The following LINGO2 variants were observed in gnomAD, a reference collection of about 807,000 sequenced individuals.
The protein encoded by LINGO2 is leucine-rich repeat and immunoglobulin-like domain-containing nogo receptor-interacting protein 2.
LINGO2 carries 14 observed loss-of-function variants against 30.6 expected under a neutral mutation model. That is an observed-to-expected ratio of 0.46 (90% CI 0.30 to 0.72). The LOEUF is 0.72. Among genes scored for constraint, LINGO2 ranks in the 30% least tolerant of loss-of-function variants. The pLI is 0.07. For synonymous variants in LINGO2, 317 were observed against 288.5 expected (o/e 1.10, Z -1.00); for missense variants, 729 against 751.7 (o/e 0.97, Z 0.35).
chr9:28,877,068 C>T, the LINGO2 span, among the ~76,000 whole-genome samples: 2 of 150,514 alleles, frequency 1.3e-5, no homozygotes, highest in Admixed American at 1.3e-4. Context: ...AGTGTCTGTT[C>T]ATGTCCTTCA....
chr9:28,395,942 G>A (rs773285915), intron 2 of LINGO2, among the ~76,000 whole-genome samples: 4 of 151,980 alleles, frequency 2.6e-5, no homozygotes, highest in Non-Finnish European at 4.4e-5. Context: ...TTGGCCCTTT[G>A]GTCTTCAATA....
chr9:28,058,873 C>T (rs1327475820), intron 4 of LINGO2, among the ~76,000 whole-genome samples: 1 of 152,078 alleles, frequency 6.6e-6, no homozygotes, highest in Non-Finnish European at 1.5e-5. Flanking sequence ...ACTGTTAAAA[C>T]TTTGCATTTT....
At chr9:29,131,484 G>A in the LINGO2 span, among the ~76,000 whole-genome samples, 2 of 151,860 alleles carry the variant, frequency 1.3e-5, no homozygotes, top group Non-Finnish European at 2.9e-5. Flanking sequence ...CCCAATCCCC[G>A]CTCTATTTTG....
intron 5 of LINGO2, among the ~76,000 whole-genome samples, chr9:27,976,286 G>A (rs1057253162): frequency 1.3e-5 from 2 of 151,724 alleles, no homozygotes; most frequent in African/African-American, 4.8e-5. Flanking sequence ...CTCGATAAAT[G>A]TTGCCTTAGA....
chr9:28,410,401 C>A (rs1822714780), intron 2 of LINGO2, among the ~76,000 whole-genome samples: 1 of 152,100 alleles, frequency 6.6e-6, no homozygotes, highest in Non-Finnish European at 1.5e-5. Flanking sequence ...GTCTAAGAGT[C>A]ATTAACAGAA....
chr9:28,269,800 C>A (rs191558821), intron 4 of LINGO2, among the ~76,000 whole-genome samples: 2 of 152,116 alleles, frequency 1.3e-5, no homozygotes, highest in African/African-American at 4.8e-5. Context: ...ATTCATGTAG[C>A]CAACAATTGC....
At chr9:29,211,030 A>G in the LINGO2 span, among the ~76,000 whole-genome samples, 2 of 152,202 alleles carry the variant, frequency 1.3e-5, no homozygotes, top group Non-Finnish European at 2.9e-5. Context: ...ATTTTCACCA[A>G]TGATGGATCT....
chr9:28,207,181 T>G (rs1820437326), intron 4 of LINGO2, among the ~76,000 whole-genome samples: 1 of 152,144 alleles, frequency 6.6e-6, no homozygotes, highest in Non-Finnish European at 1.5e-5. Context: ...TTTAATATCA[T>G]CTGTAAATAA....
chr9:28,714,188 T>TATATATATATATATATATATAC, the LINGO2 span, among the ~76,000 whole-genome samples: 50 of 73,338 alleles, frequency 6.8e-4, no homozygotes, highest in African/African-American at 2.9e-3. Context: ...TATATATATA[T>TATATATATATATATATATATAC]ACACACATAC....
chr9:29,107,310 T>C, the LINGO2 span, among the ~76,000 whole-genome samples: 1 of 152,172 alleles, frequency 6.6e-6, no homozygotes. Flanking sequence ...TTTCTCTATA[T>C]TACATAAGTA....
At chr9:28,413,971 T>C (rs1322314744) in intron 2 of LINGO2, among the ~76,000 whole-genome samples, 5 of 150,556 alleles carry the variant, frequency 3.3e-5, no homozygotes, top group Admixed American at 1.3e-4. Flanking sequence ...TTAATTCCCA[T>C]ATTAATAGCA....
At chr9:29,188,843 C>G in the LINGO2 span, among the ~76,000 whole-genome samples, 13 of 146,554 alleles carry the variant, frequency 8.9e-5, no homozygotes, top group East Asian at 2.1e-4. Flanking sequence ...ACCCCCCCGC[C>G]ACCTTCCTCC....
chr9:28,675,916 T>TATATATATATATACATACAC, the LINGO2 span, among the ~76,000 whole-genome samples: 1 of 134,066 alleles, frequency 7.5e-6, no homozygotes, highest in African/African-American at 3.0e-5. Context: ...TATATATATA[T>TATATATATATATACATACAC]ATATATATAC....
At chr9:28,610,694 T>A (rs1825878205) in intron 1 of LINGO2, among the ~76,000 whole-genome samples, 1 of 152,158 alleles carries the variant, frequency 6.6e-6, no homozygotes, top group Non-Finnish European at 1.5e-5. Flanking sequence ...AGAAATTAAT[T>A]TCTATCATTT....
At chr9:28,415,384 G>A (rs139527897) in intron 2 of LINGO2, among the ~76,000 whole-genome samples, 21 of 152,236 alleles carry the variant, frequency 1.4e-4, no homozygotes, top group East Asian at 1.2e-3. Flanking sequence ...AATGACGTCT[G>A]GATGTTAATA....
At chr9:28,738,331 C>T in the LINGO2 span, among the ~76,000 whole-genome samples, 1 of 151,956 alleles carries the variant, frequency 6.6e-6, no homozygotes, top group Non-Finnish European at 1.5e-5. Context: ...AGCTAGCAAC[C>T]AAATAAACCA....
the LINGO2 span, among the ~76,000 whole-genome samples, chr9:28,696,962 C>G: frequency 1.1e-3 from 165 of 151,798 alleles, 1 homozygote; most frequent in Middle Eastern, 6.8e-3. Context: ...ATTCCTTTAG[C>G]TAGGTGTCCT....
chr9:28,761,492 ACACACACG>A, the LINGO2 span, among the ~76,000 whole-genome samples: 1 of 150,994 alleles, frequency 6.6e-6, no homozygotes, highest in Non-Finnish European at 1.5e-5. Context: ...GCGCACACAC[ACACACACG>A]CACACACACG....
At chr9:28,685,269 G>C in the LINGO2 span, among the ~76,000 whole-genome samples, 407 of 152,230 alleles carry the variant, frequency 2.7e-3, 1 homozygote, top group African/African-American at 9.5e-3. Context: ...TTGCTATTGT[G>C]AATAGAGGAG....
Sources: gnomAD v4.1 joint callset for allele counts (sites outside exome capture counted in the v4.1 genomes callset) on GRCh38, gnomAD v4.1.1 for gene constraint, MANE v1.5 for transcripts, NCBI Gene and HGNC (gene_info 2026-07-23, HGNC 2026-07-21) for gene names.